Variants in WDR72 observed in about 807,000 individuals in gnomAD.
The protein encoded by WDR72 is WD repeat domain 72, also known as WD repeat-containing protein 72.
In WDR72, 120 loss-of-function variants were observed where a neutral mutation model predicts 124.2. The ratio of observed to expected loss-of-function variants is 0.97; its 90% confidence interval spans 0.83 to 1.12. WDR72 has a LOEUF of 1.12. WDR72 is among the 50% of genes most tolerant of loss of function. The pLI is 0.00. For missense variants in WDR72, 1,387 were observed against 1,278.8 expected (o/e 1.08, Z -1.29); for synonymous variants, 452 against 441.7 (o/e 1.02, Z -0.29).
intron 18 of WDR72, among the ~76,000 whole-genome samples, chr15:53,545,654 T>A (rs1335589499): frequency 6.9e-6 from 1 of 145,064 alleles, no homozygotes; most frequent in African/African-American, 2.6e-5. Flanking sequence ...AAAGACAAAA[T>A]TGACAAATGG....
rs142999197 is a variant in WDR72 at position 53,559,000 on chromosome 15, T to G, written c.3149-35678A>C. On this transcript the variant is annotated intron_variant, in intron 18 of 19. Transcript: ENST00000360509. ...ATTAAAATCCACATTCTTGGAGAGTTAGAATCTCAGGCATACCTTGAAGCA... is the reference window on the plus strand; with the variant it reads ...ATTAAAATCCACATTCTTGGAGAGTGAGAATCTCAGGCATACCTTGAAGCA... Among the ~76,000 whole-genome samples, 300 of 152,166 alleles carry G rather than the reference T, an allele frequency of 2.0e-3. 2 individuals carry two copies. Among genetic ancestry groups the G allele is most frequent in the African/African-American group, 6.7e-3 (278 of 41,558 alleles).
At chr15:53,761,734 A>T (rs2019067326), upstream of WDR72, among the ~76,000 whole-genome samples, 1 of 152,172 alleles carries the variant, frequency 6.6e-6, no homozygotes. Flanking sequence ...AGGTTGAGTC[A>T]GGAGGGTCAC....
At chr15:53,722,563 A>T (rs57877150) in intron 3 of WDR72, among the ~76,000 whole-genome samples, 2,899 of 152,292 alleles carry the variant, frequency 0.019, 90 homozygotes, top group African/African-American at 0.066. Context: ...ACACATGTTG[A>T]GATGCTTAAC....
At chr15:53,683,801 T>C (rs533436039) in intron 13 of WDR72, among the ~76,000 whole-genome samples, 4 of 152,078 alleles carry the variant, frequency 2.6e-5, no homozygotes, top group Admixed American at 2.6e-4. Context: ...TTTTAAAAAG[T>C]ATACGGATGG....
chr15:53,722,158 C>T (rs1007608805), intron 3 of WDR72, among the ~76,000 whole-genome samples: 3 of 151,932 alleles, frequency 2.0e-5, no homozygotes, highest in Non-Finnish European at 2.9e-5. Context: ...CTCAGCCTCC[C>T]GAGTAGCTGG....
In WDR72 at chr15:53,597,284, A is replaced by G; in HGVS notation, c.2953-10T>C. On this transcript the variant is annotated splice_polypyrimidine_tract_variant and intron_variant, in intron 17 of 19. Coordinates refer to ENST00000360509, the MANE Select transcript of WDR72 (RefSeq NM_182758.4). ...GTATTGCTTCAGTTACCTGTAAGGT[A>G]TTTTTTTAAGTGAATTATTTTTAGT... 6.2e-7 allele frequency: 1 copy of G among 1,612,902 alleles called. No homozygotes were observed. The highest frequency in any genetic ancestry group is 1.1e-5 in the South Asian group (1 of 90,852).
chr15:53,740,890 T>G lies in WDR72; in HGVS notation c.-12-7729A>C, dbSNP rs75934773. Among the ~76,000 whole-genome samples the G allele has an allele frequency of 1.3e-3, 201 of 152,290 alleles. 5 individuals carry two copies. The East Asian group carries it at 0.036, about 27-fold the overall frequency. On this transcript the variant is annotated intron_variant, in intron 1 of 19. Coordinates refer to ENST00000360509, the MANE Select transcript of WDR72 (RefSeq NM_182758.4). ...CAATAAAGATACCTTACAGGGTTGT[T>G]GTGAGAATGAAATGAGATCATGCAC...
intron 18 of WDR72, among the ~76,000 whole-genome samples, chr15:53,590,368 T>C (rs1249028401): frequency 6.6e-6 from 1 of 152,048 alleles, no homozygotes; most frequent in Non-Finnish European, 1.5e-5. Context: ...CAAATAAAAG[T>C]CTTCAATATT....
intron 14 of WDR72, among the ~76,000 whole-genome samples, chr15:53,659,544 C>T (rs1458080385): frequency 5.3e-5 from 8 of 152,106 alleles, no homozygotes; most frequent in Non-Finnish European, 7.4e-5. Context: ...GCATTTTCTA[C>T]TTTTCATAGT....
intron 13 of WDR72, among the ~76,000 whole-genome samples, chr15:53,690,449 A>G (rs2016801889): frequency 1.3e-5 from 2 of 151,850 alleles, no homozygotes; most frequent in Admixed American, 1.3e-4. Context: ...CCCTCCCACA[A>G]CCACATCTCC....
Position 53,732,977 on chromosome 15 carries a change from T to C in WDR72, c.153+20A>G. On this transcript the variant is annotated intron_variant, in intron 2 of 19. Coordinates refer to ENST00000360509, the MANE Select transcript of WDR72 (RefSeq NM_182758.4). ...ATTTTGTGAGTGGTGTCTGTTTCAA[T>C]ATCAGTAGCTTTCACTAACCTTTAG... The C allele has an allele frequency of 1.2e-6, 2 of 1,614,028 alleles. No homozygotes were observed. The highest frequency in any genetic ancestry group is 1.7e-6 in the Non-Finnish European group (2 of 1,179,920).
At chr15:53,693,725 CA>C (rs1485227399) in intron 13 of WDR72, among the ~76,000 whole-genome samples, 3 of 151,922 alleles carry the variant, frequency 2.0e-5, no homozygotes, top group African/African-American at 7.3e-5. Context: ...ACTGGCAAGG[CA>C]AAAAAAGAAA....
intron 14 of WDR72, among the ~76,000 whole-genome samples, chr15:53,660,218 C>T (rs1432484852): frequency 1.5e-5 from 2 of 131,432 alleles, no homozygotes; most frequent in Non-Finnish European, 3.0e-5. Flanking sequence ...AATATTTGTT[C>T]TTTTTTTATA....
At chr15:53,616,307 T>A in intron 14 of WDR72, 64 bp from the exon 15 acceptor site, 1 of 1,402,964 alleles carries the variant, frequency 7.1e-7, no homozygotes, top group Admixed American at 1.7e-5. Flanking sequence ...GATTCCATGA[T>A]GTTAAAGTGG....
At chr15:53,518,123 TTAATTGTTCTTAGAAAA>T (rs1891565537) in intron 19 of WDR72, among the ~76,000 whole-genome samples, 1 of 152,046 alleles carries the variant, frequency 6.6e-6, no homozygotes, top group Non-Finnish European at 1.5e-5. Flanking sequence ...TTCAAACAGC[TTAATTGTTCTTAGAAAA>T]ATCCACAACT....
intron 1 of WDR72, among the ~76,000 whole-genome samples, chr15:53,740,174 C>T (rs545133802): frequency 1.2e-3 from 190 of 152,266 alleles, no homozygotes; most frequent in African/African-American, 4.5e-3. Flanking sequence ...AAATTATCCG[C>T]TCTGCATTGA....
chr15:53,681,600 G>T (rs923248933), intron 13 of WDR72, among the ~76,000 whole-genome samples: 1 of 152,160 alleles, frequency 6.6e-6, no homozygotes, highest in Non-Finnish European at 1.5e-5. Flanking sequence ...GATAGCAACT[G>T]CCAAAGGAAA....
intron 18 of WDR72, among the ~76,000 whole-genome samples, chr15:53,533,980 T>C (rs768550474): frequency 9.2e-5 from 14 of 152,124 alleles, no homozygotes; most frequent in Non-Finnish European, 1.8e-4. Flanking sequence ...ACTACCCCAC[T>C]GGGGTAGGGA....
chr15:53,598,018 T>C (rs1308448770), intron 17 of WDR72, among the ~76,000 whole-genome samples: 3 of 152,186 alleles, frequency 2.0e-5, no homozygotes, highest in Non-Finnish European at 2.9e-5. Flanking sequence ...CAAGATTCTA[T>C]ATCCTCTGCC....
Sources: gnomAD v4.1 joint callset for allele counts (sites outside exome capture counted in the v4.1 genomes callset) on GRCh38, gnomAD v4.1.1 for gene constraint, MANE v1.5 for transcripts, NCBI Gene and HGNC (gene_info 2026-07-23, HGNC 2026-07-21) for gene names.